Variants in GGTLC1 observed in about 807,000 individuals in gnomAD.
GGTLC1 encodes the protein gamma-glutamyltransferase light chain 1.
A neutral mutation model predicts 19.5 loss-of-function variants in GGTLC1; 14 were observed. The observed-to-expected ratio is 0.72, with a 90% CI of 0.47 to 1.12. GGTLC1 has a LOEUF of 1.12. Ranked by LOEUF, GGTLC1 falls within the 50% of genes most tolerant of loss-of-function variation. The probability of loss-of-function intolerance (pLI) is 0.00; values close to 1 mark genes in which losing one functional copy is unlikely to be tolerated. For missense variants in GGTLC1, 304 were observed against 309.2 expected, an observed-to-expected ratio of 0.98 and a Z score of 0.13; for synonymous variants, 110 against 124.2, an observed-to-expected ratio of 0.89 and a Z score of 0.76.
Position 23,985,748 on chromosome 20 carries a change from G to A in GGTLC1, c.450C>T (p.Asp150=), listed in dbSNP as rs143187948. 2.0e-4 allele frequency: 324 copies of A among 1,612,050 alleles called. No individual in the cohort carries two copies. The highest frequency in any genetic ancestry group is 2.6e-4 in the Non-Finnish European group (309 of 1,179,868). ...AIIYNLWFGY[D]VKWAVEEPRL... ...GGGGCTCCTCCACGGCCCACTTCAC[G>A]TCATAGCCGAACCAGAGGTTGTAGA... The change falls in exon 5 of 6, where the codon GAC becomes GAT. Residue 150 remains aspartate (D), a synonymous_variant. Coordinates refer to ENST00000335694, the MANE Select transcript of GGTLC1 (RefSeq NM_178311.3).
At position 23,987,605 on chromosome 20, in the gene GGTLC1, G is replaced by GT. The variant is rs536033983; in HGVS notation, c.-34-961dup. On this transcript the variant is annotated intron_variant, in intron 1 of 5. Coordinates refer to ENST00000335694, the MANE Select transcript of GGTLC1 (RefSeq NM_178311.3). ...GGCGGGCTGAGAGATGAACATGGAG[G>GT]TATTGACATTGAGTGGCTGCTGGAT... Among the ~76,000 whole-genome samples the GT allele has an allele frequency of 8.7e-3, 1,318 of 152,088 alleles. 15 individuals are homozygous for GT. Among genetic ancestry groups the GT allele is most frequent in the African/African-American group, 0.031 (1,267 of 41,470 alleles).
intron 2 of GGTLC1, 27 bp from the exon 3 acceptor site, chr20:23,986,230 C>A (rs1347464425): frequency 6.3e-7 from 1 of 1,597,772 alleles, no homozygotes; most frequent in African/African-American, 1.3e-5. Flanking sequence ...TCAGACAGTG[C>A]CCGACCTTGC....
chr20:23,986,029 C>G (rs780393944), intron 3 of GGTLC1, 47 bp downstream of exon 3: 1 of 1,612,418 alleles, frequency 6.2e-7, no homozygotes, highest in Middle Eastern at 2.0e-4. Flanking sequence ...CCAGGACACC[C>G]GCCCCTCTCC....
chr20:23,986,466 G>A lies in GGTLC1; in HGVS notation c.146C>T (p.Ala49Val). 1 of 1,611,894 alleles carries A rather than the reference G, an allele frequency of 6.2e-7. No homozygotes were observed. Among genetic ancestry groups the A allele is most frequent in the Admixed American group, 1.7e-5 (1 of 60,020 alleles). ...HLSVVAEDGS[A>V]VSATSTINLY... ...GTTGATGGTGCTGGTGGCGGACACA[G>A]CACTGCCGTCCTCTGCGACCACAGA... is the stretch of plus-strand genomic sequence containing the variant. Residue 49 changes from alanine (A) to valine (V), a missense_variant, in exon 2 of 6, where the codon GCT (alanine) becomes GTT (valine). Transcript: ENST00000335694.
intron 4 of GGTLC1, 26 bp downstream of exon 4, chr20:23,985,836 C>T (rs1363736002): frequency 6.2e-7 from 1 of 1,611,904 alleles, no homozygotes; most frequent in African/African-American, 1.3e-5. Flanking sequence ...GTGGGCACGG[C>T]CAGGGAGAAA....
rs559898763 is a variant in GGTLC1 at position 23,987,783 on chromosome 20, T to C, written c.-35+826A>G. 1.3e-3 allele frequency among the ~76,000 whole-genome samples: 203 copies of C among 151,090 alleles called. 3 individuals are homozygous for C. Among genetic ancestry groups the C allele is most frequent in the South Asian group, 2.9e-3 (14 of 4,754 alleles). ...TGGCTCACGGCTGTAATCCCAGCAC[T>C]TTGGGAGGCCGAGGCCTGTAATCCC... On this transcript the variant is annotated intron_variant, in intron 1 of 5. Transcript: ENST00000335694.
chr20:23,985,303 A>G lies in GGTLC1; in HGVS notation c.591T>C (p.Ile197=), dbSNP rs1600492506. Residue 197 remains isoleucine, a synonymous_variant, in exon 6 of 6, where the codon ATT becomes ATC. Coordinates refer to ENST00000335694, the MANE Select transcript of GGTLC1 (RefSeq NM_178311.3). ...HHHTQITSTF[I]AVVQAIVRMA... is the part of the protein sequence containing the mutation. ...TGCGGACGATGGCTTGCACCACAGC[A>G]ATGAAGGTGGACGTGATCTGGGTGT... 6.2e-7 allele frequency: 1 copy of G among 1,611,994 alleles called. No homozygotes were observed. Among genetic ancestry groups the G allele is most frequent in the Non-Finnish European group, 8.5e-7 (1 of 1,179,852 alleles).
At chr20:23,987,186 T>G in intron 1 of GGTLC1, among the ~76,000 whole-genome samples, 1 of 151,090 alleles carries the variant, frequency 6.6e-6, no homozygotes, top group Non-Finnish European at 1.5e-5. Flanking sequence ...GTGAATGGAG[T>G]GGGGTGGGGA....
Position 23,985,219 on chromosome 20 carries a change from G to C in GGTLC1, c.675C>G (p.Tyr225Ter). Reference sequence around the variant, plus strand: ...CAGCCTTGTCCGCCTGGAGCAATCAGTAGCCAGCAGGTTCCCCACCTTTCC... The same window carrying C: ...CAGCCTTGTCCGCCTGGAGCAATCACTAGCCAGCAGGTTCCCCACCTTTCC... ...DSRKGGEPAG[Y>*] The change falls in exon 6 of 6, where the codon TAC becomes TAG. Residue 225 changes from tyrosine to a stop codon, truncating the protein, a stop_gained. Coordinates refer to ENST00000335694, the MANE Select transcript of GGTLC1 (RefSeq NM_178311.3). LOFTEE classifies it high-confidence loss of function. 1 of 1,612,048 alleles carries C rather than the reference G, an allele frequency of 6.2e-7. No individual in the cohort carries two copies.
At chr20:23,986,742 C>T (rs1221170982) in intron 1 of GGTLC1, 97 bp from the exon 2 acceptor site, 23 of 1,473,762 alleles carry the variant, frequency 1.6e-5, no homozygotes, top group East Asian at 2.5e-5. Flanking sequence ...CACAACCTTC[C>T]GTGGCTCCCC....
intron 1 of GGTLC1, among the ~76,000 whole-genome samples, chr20:23,987,930 TC>T (rs1988031932): frequency 7.9e-6 from 1 of 125,826 alleles, no homozygotes; most frequent in Non-Finnish European, 1.6e-5. Context: ...GCGCCTGTAG[TC>T]CCAACTCCAG....
At position 23,985,790 on chromosome 20, in the gene GGTLC1, G is replaced by C. The variant is rs1298106765; in HGVS notation, c.418-10C>G. 6.2e-6 allele frequency: 10 copies of C among 1,611,936 alleles called. No homozygotes were observed. The highest frequency in any genetic ancestry group is 8.5e-6 in the Non-Finnish European group (10 of 1,179,864). Reference sequence around the variant, plus strand: ...GGTTGTAGATGATGGCCTGGGGCATGGGAGTGTGATCAGCATGGCTTGGGG... The same window carrying C: ...GGTTGTAGATGATGGCCTGGGGCATCGGAGTGTGATCAGCATGGCTTGGGG... On this transcript the variant is annotated splice_polypyrimidine_tract_variant and intron_variant, in intron 4 of 5. Coordinates refer to ENST00000335694, the MANE Select transcript of GGTLC1 (RefSeq NM_178311.3).
chr20:23,987,343 G>A (rs995711656), intron 1 of GGTLC1, among the ~76,000 whole-genome samples: 1 of 152,152 alleles, frequency 6.6e-6, no homozygotes, highest in Non-Finnish European at 1.5e-5. Context: ...TGGCAGCTAT[G>A]ACGGGGATAA....
intron 1 of GGTLC1, among the ~76,000 whole-genome samples, chr20:23,987,750 G>C (rs1445053625): frequency 6.6e-6 from 1 of 151,422 alleles, no homozygotes; most frequent in Non-Finnish European, 1.5e-5. Context: ...TTTCAACACC[G>C]GGCGCGGTGG....
chr20:23,988,193 C>T (rs1988058976), intron 1 of GGTLC1, among the ~76,000 whole-genome samples: 1 of 148,038 alleles, frequency 6.8e-6, no homozygotes, highest in African/African-American at 2.5e-5. Flanking sequence ...GGACTACAGG[C>T]GCATGCCACC....
rs745641196 is a variant in GGTLC1 at position 23,985,238 on chromosome 20, C to T, written c.656G>A (p.Gly219Asp). ...GWAAASDSRK[G>D]GEPAGY ...CAATCAGTAGCCAGCAGGTTCCCCA[C>T]CTTTCCTGGAGTCCGAGGCAGCTGC... Residue 219 changes from glycine (G) to aspartate (D), a missense_variant, in exon 6 of 6, where the codon GGT (glycine) becomes GAT (aspartate). Coordinates refer to ENST00000335694, the MANE Select transcript of GGTLC1 (RefSeq NM_178311.3). 1.9e-6 allele frequency: 3 copies of T among 1,611,932 alleles called. No homozygotes were observed. In the African/African-American group the frequency reaches 4.0e-5, roughly 22 times the overall value.
chr20:23,985,639 G>A lies in GGTLC1; in HGVS notation c.531+28C>T, dbSNP rs762339924. 1.3e-5 allele frequency: 21 copies of A among 1,611,558 alleles called. No individual in the cohort carries two copies. The South Asian group carries it at 2.1e-4, about 16-fold the overall frequency. ...ACGATGCCCTGGGGCCCCACACCGT[G>A]ACTCAGTTTCTCCAACCCCCAGCCC... On this transcript the variant is annotated intron_variant, in intron 5 of 5. Coordinates refer to ENST00000335694, the MANE Select transcript of GGTLC1 (RefSeq NM_178311.3).
Position 23,988,771 on chromosome 20 carries a change from G to A in GGTLC1, c.-197C>T. ...CGGCTGGACGAGGACGCAGAGCCCA[G>A]CTCTCGAGAGTTCAAGCAACCGACG... On this transcript the variant is annotated 5_prime_UTR_variant, in exon 1 of 6. Coordinates refer to ENST00000335694, the MANE Select transcript of GGTLC1 (RefSeq NM_178311.3). 3.7e-6 allele frequency: 1 copy of A among 268,028 alleles called. No individual in the cohort carries two copies. Among genetic ancestry groups the A allele is most frequent in the East Asian group, 1.0e-4 (1 of 9,808 alleles). The allele number at this position is 268,028 out of a possible 1,614,324, so 16.6% of individuals were successfully genotyped here. A position where few individuals can be genotyped will look rare whatever the true frequency, so the allele number is the denominator to read the frequency against.
intron 5 of GGTLC1, 116 bp downstream of exon 5, chr20:23,985,551 C>T (rs950808080): frequency 5.5e-5 from 88 of 1,590,436 alleles, no homozygotes; most frequent in Middle Eastern, 4.5e-4. Flanking sequence ...CTCCAGATGG[C>T]CCAGGCACTA....
Sources: allele counts gnomAD v4.1 joint callset (sites outside exome capture counted in the v4.1 genomes callset), GRCh38; gene constraint gnomAD v4.1.1; transcripts MANE v1.5; gene names NCBI Gene and HGNC (gene_info 2026-07-23, HGNC 2026-07-21).